The following LYSMD1 variants were observed in gnomAD, a reference collection of about 807,000 sequenced individuals.
LYSMD1 encodes lysM and putative peptidoglycan-binding domain-containing protein 1.
Under a neutral mutation model 19.3 loss-of-function variants are expected in LYSMD1, and 9 were observed. That is an observed-to-expected ratio of 0.47 (90% CI 0.28 to 0.81). LYSMD1 has a LOEUF of 0.81. LYSMD1 is among the 40% of genes least tolerant of loss of function. The probability of loss-of-function intolerance (pLI) is 0.11; values close to 1 mark genes in which losing one functional copy is unlikely to be tolerated. For synonymous variants in LYSMD1, 111 were observed against 111.7 expected (o/e 0.99, Z 0.04); for missense variants, 262 against 279.8 (o/e 0.94, Z 0.45).
chr1:151,162,882 G>A (rs757123639), intron 1 of LYSMD1, among the ~76,000 whole-genome samples: 2 of 152,126 alleles, frequency 1.3e-5, no homozygotes, highest in Non-Finnish European at 1.5e-5. Context: ...GGCCTTCCTC[G>A]CTCTATTTCT....
the LYSMD1 span, among the ~76,000 whole-genome samples, chr1:151,153,483 T>C: frequency 6.7e-6 from 1 of 148,618 alleles, no homozygotes; most frequent in African/African-American, 2.5e-5. Flanking sequence ...TGAAACCCCA[T>C]CTCTACTTAA....
At chr1:151,152,877 T>C in the LYSMD1 span, among the ~76,000 whole-genome samples, 2 of 152,224 alleles carry the variant, frequency 1.3e-5, no homozygotes, top group African/African-American at 4.8e-5. Context: ...AACATCGGAC[T>C]GTTCCATCCT....
chr1:151,158,540 C>T, downstream of LYSMD1: 2 of 690,974 alleles, frequency 2.9e-6, no homozygotes, highest in Non-Finnish European at 4.8e-6. Context: ...GCATAGAGGA[C>T]TGAGGGGCCC....
At position 151,165,645 on chromosome 1, in the gene LYSMD1, T is replaced by G; in HGVS notation, c.-387A>C. On this transcript the variant is annotated 5_prime_UTR_variant, in exon 1 of 3. Transcript: ENST00000368908. ...GCTCCAACATCCCAGCTCTCCCCGG[T>G]CCCGGGGTTTGTTTGCTAGAGTCAG... is the stretch of plus-strand genomic sequence containing the variant. 2 of 1,547,276 alleles carry G rather than the reference T, an allele frequency of 1.3e-6. No individual in the cohort carries two copies. Among genetic ancestry groups the G allele is most frequent in the Non-Finnish European group, 1.7e-6 (2 of 1,146,056 alleles).
chr1:151,158,089 C>G (rs1683288436), downstream of LYSMD1, among the ~76,000 whole-genome samples: 1 of 152,110 alleles, frequency 6.6e-6, no homozygotes, highest in Admixed American at 6.6e-5. Context: ...CTTTGGGAGG[C>G]CGAGGTGGGC....
At chr1:151,161,057 A>G in intron 2 of LYSMD1, 37 bp from the exon 3 acceptor site, 1 of 1,609,188 alleles carries the variant, frequency 6.2e-7, no homozygotes, top group Non-Finnish European at 8.5e-7. Context: ...GTGACAGATC[A>G]AGGGAAGAAC....
rs773904877 is a variant in LYSMD1, at chr1:151,165,111, G to A, written c.148C>T (p.Leu50=). Reference sequence around the variant, plus strand: ...CCATATTTGAGTGCTAGTCCAGCCAGGGTGTCTCCGGGCTCCAACTGATGC... The same window carrying A: ...CCATATTTGAGTGCTAGTCCAGCCAAGGTGTCTCCGGGCTCCAACTGATGC... ...LEHQLEPGDT[L]AGLALKYGVT... Residue 50 remains leucine (L), a synonymous_variant, in exon 1 of 3, where the codon CTG becomes TTG. Coordinates refer to ENST00000368908, the MANE Select transcript of LYSMD1 (RefSeq NM_212551.5). The A allele has an allele frequency of 5.1e-5, 82 of 1,614,070 alleles. No homozygotes were observed. Among genetic ancestry groups the A allele is most frequent in the Non-Finnish European group, 6.4e-5 (75 of 1,180,024 alleles).
At chr1:151,153,031 C>T in the LYSMD1 span, among the ~76,000 whole-genome samples, 5 of 152,328 alleles carry the variant, frequency 3.3e-5, no homozygotes, top group South Asian at 1.0e-3. Context: ...GTCATTGAGA[C>T]TTAGCTAGAT....
At chr1:151,152,357 A>G in the LYSMD1 span, among the ~76,000 whole-genome samples, 10 of 151,594 alleles carry the variant, frequency 6.6e-5, no homozygotes, top group Middle Eastern at 3.4e-3. Context: ...AGATCGTGCC[A>G]CTGCACTCCA....
At chr1:151,161,389 C>A (rs1168590216) in intron 2 of LYSMD1, among the ~76,000 whole-genome samples, 1 of 151,688 alleles carries the variant, frequency 6.6e-6, no homozygotes, top group Non-Finnish European at 1.5e-5. Flanking sequence ...CCCAGCTACT[C>A]GGGAGGCTGA....
chr1:151,159,464 C>A, downstream of LYSMD1: 1 of 558,012 alleles, frequency 1.8e-6, no homozygotes, highest in Non-Finnish European at 3.3e-6. Flanking sequence ...CTCTCCCACT[C>A]CAGCCCCAGG....
chr1:151,151,356 ATTT>A, the LYSMD1 span, among the ~76,000 whole-genome samples: 1 of 137,616 alleles, frequency 7.3e-6, no homozygotes, highest in African/African-American at 2.7e-5. Flanking sequence ...TGCCCAGCTA[ATTT>A]TTTTTTTTTT....
the LYSMD1 span, among the ~76,000 whole-genome samples, chr1:151,148,575 G>T: frequency 3.3e-5 from 5 of 152,088 alleles, no homozygotes; most frequent in Non-Finnish European, 7.4e-5. Context: ...AAGCTACATT[G>T]AACATAAATT....
chr1:151,164,579 C>T (rs1371132734), intron 1 of LYSMD1, among the ~76,000 whole-genome samples: 1 of 152,134 alleles, frequency 6.6e-6, no homozygotes, highest in African/African-American at 2.4e-5. Context: ...TGAGGAGGAA[C>T]CAAGAGCAAG....
At chr1:151,164,277 G>T (rs1221229404) in intron 1 of LYSMD1, among the ~76,000 whole-genome samples, 3 of 152,060 alleles carry the variant, frequency 2.0e-5, no homozygotes, top group African/African-American at 7.2e-5. Flanking sequence ...TTTCTCATTA[G>T]GCCATAAATT....
At chr1:151,164,090 C>T (rs1683561563) in intron 1 of LYSMD1, among the ~76,000 whole-genome samples, 1 of 152,102 alleles carries the variant, frequency 6.6e-6, no homozygotes, top group African/African-American at 2.4e-5. Flanking sequence ...GACAGGGTTT[C>T]ACCATGTTGG....
In LYSMD1 at chr1:151,165,405, C is replaced by A; in HGVS notation, c.-147G>T. The A allele has an allele frequency of 6.9e-7, 1 of 1,442,894 alleles. No homozygotes were observed. The highest frequency in any genetic ancestry group is 9.1e-7 in the Non-Finnish European group (1 of 1,102,264). 89.4% of individuals were successfully genotyped at this position (1,442,894 alleles called of 1,614,324 possible). A position where few individuals can be genotyped will look rare whatever the true frequency, so the allele number is the denominator to read the frequency against. On this transcript the variant is annotated 5_prime_UTR_variant, in exon 1 of 3. Coordinates refer to ENST00000368908, the MANE Select transcript of LYSMD1 (RefSeq NM_212551.5). ...GTGTCCCCGCCTCCCCAGCACTACG[C>A]CATCTGCCCCCTCCCGGTTTCTCCT...
At chr1:151,153,102 T>C in the LYSMD1 span, among the ~76,000 whole-genome samples, 5 of 152,248 alleles carry the variant, frequency 3.3e-5, no homozygotes, top group Admixed American at 2.6e-4. Context: ...CTGTCTTCTG[T>C]AAGTGGACAT....
In LYSMD1 at chr1:151,165,823, T is replaced by C. The variant is rs975575379; in HGVS notation, c.-565A>G. 2 of 1,497,402 alleles carry C rather than the reference T, an allele frequency of 1.3e-6. No individual in the cohort carries two copies. Among genetic ancestry groups the C allele is most frequent in the Non-Finnish European group, 1.8e-6 (2 of 1,097,638 alleles). 92.8% of individuals were successfully genotyped at this position (1,497,402 alleles called of 1,614,324 possible). On this transcript the variant is annotated 5_prime_UTR_variant, in exon 1 of 3. Transcript: ENST00000368908. Reference sequence around the variant, plus strand: ...CTCAAATTTCGGCTCCACATCTAGGTTGTTGTCCCTCCAAACGCCTCAGAT... The same window carrying C: ...CTCAAATTTCGGCTCCACATCTAGGCTGTTGTCCCTCCAAACGCCTCAGAT...
Sources: gnomAD v4.1 joint callset for allele counts (sites outside exome capture counted in the v4.1 genomes callset) on GRCh38, gnomAD v4.1.1 for gene constraint, MANE v1.5 for transcripts, NCBI Gene and HGNC (gene_info 2026-07-23, HGNC 2026-07-21) for gene names.